LIPI: variants seen among roughly 807,000 people sequenced by gnomAD.
LIPI encodes the protein lipase I, also known as lipase member I.
Under a neutral mutation model 50.6 loss-of-function variants are expected in LIPI, and 59 were observed. The observed-to-expected ratio is 1.16, with a 90% CI of 0.94 to 1.45. The LOEUF is 1.45. LIPI is among the 40% of genes most tolerant of loss of function. LIPI has a pLI of 0.00. For missense variants in LIPI, 586 were observed against 536.3 expected, an observed-to-expected ratio of 1.09 and a Z score of -0.92; for synonymous variants, 203 against 178.2, an observed-to-expected ratio of 1.14 and a Z score of -1.11.
chr21:14,160,971 C>T (rs9974980), intron 7 of LIPI, among the ~76,000 whole-genome samples: 17,070 of 151,158 alleles, frequency 0.11, 1,380 homozygotes, highest in East Asian at 0.22. Context: ...AATAATGACA[C>T]CACCAAATTC....
At chr21:14,153,304 C>T (rs1258758903) in intron 7 of LIPI, among the ~76,000 whole-genome samples, 2 of 152,134 alleles carry the variant, frequency 1.3e-5, no homozygotes, top group Admixed American at 6.6e-5. Context: ...TTTGTGCACC[C>T]CCCTTCTAGA....
chr21:14,176,721 CT>C lies in LIPI; in HGVS notation c.643+5036del, dbSNP rs71183410. On this transcript the variant is annotated intron_variant, in intron 4 of 9. Transcript: ENST00000681601. Reference sequence around the variant, plus strand: ...CAAACATTTTTATTTGCTTTCAATTCTTTTTTTTTTTGGTTACATTTCGCTA... The same window carrying C: ...CAAACATTTTTATTTGCTTTCAATTCTTTTTTTTTTGGTTACATTTCGCTA... Among the ~76,000 whole-genome samples the C allele has an allele frequency of 1.7e-3, 231 of 133,328 alleles. 2 individuals are homozygous for C. Among genetic ancestry groups the C allele is most frequent in the East Asian group, 5.2e-3 (23 of 4,406 alleles). The allele number at this position is 133,328 out of a possible 152,430, so 87.5% of individuals were successfully genotyped here. A position where few individuals can be genotyped will look rare whatever the true frequency, so the allele number is the denominator to read the frequency against.
Position 14,165,865 on chromosome 21 carries a change from T to C in LIPI, c.734-475A>G, listed in dbSNP as rs368330723. On this transcript the variant is annotated intron_variant, in intron 5 of 9. Coordinates refer to ENST00000681601, the MANE Select transcript of LIPI (RefSeq NM_001302998.2). Reference sequence around the variant, plus strand: ...ACAGTGCCCTTTGGTCACGTGTTATTTGACCAGTTGCCGTTGTGGACCTAA... The same window carrying C: ...ACAGTGCCCTTTGGTCACGTGTTATCTGACCAGTTGCCGTTGTGGACCTAA... 5.3e-5 allele frequency among the ~76,000 whole-genome samples: 8 copies of C among 152,318 alleles called. No individual in the cohort carries two copies. The South Asian group carries it at 8.3e-4, about 16-fold the overall frequency.
intron 4 of LIPI, among the ~76,000 whole-genome samples, chr21:14,179,383 T>C (rs2019194625): frequency 6.6e-6 from 1 of 152,124 alleles, no homozygotes; most frequent in African/African-American, 2.4e-5. Flanking sequence ...TTTGTGATAG[T>C]CATGAAAAGA....
intron 1 of LIPI, among the ~76,000 whole-genome samples, chr21:14,199,447 A>G (rs1160750414): frequency 6.6e-6 from 1 of 151,992 alleles, no homozygotes; most frequent in Non-Finnish European, 1.5e-5. Context: ...CCACCAGAGA[A>G]TATTATGGAC....
intron 1 of LIPI, among the ~76,000 whole-genome samples, chr21:14,192,826 T>A (rs1476672689): frequency 1.3e-5 from 2 of 152,216 alleles, no homozygotes; most frequent in African/African-American, 4.8e-5. Flanking sequence ...GGGAATTCCT[T>A]ACCTCCAGAC....
chr21:14,119,528 G>A lies in LIPI; in HGVS notation c.1296-10448C>T, dbSNP rs1023377102. On this transcript the variant is annotated intron_variant, in intron 9 of 9. Transcript: ENST00000681601. ...TTCCTAGGGGCAGCTGGTTTCTCCCGTATATGGATCCCCAACTACTCACTC... is the reference window on the plus strand; with the variant it reads ...TTCCTAGGGGCAGCTGGTTTCTCCCATATATGGATCCCCAACTACTCACTC... Among the ~76,000 whole-genome samples, 12 of 152,268 alleles carry A rather than the reference G, an allele frequency of 7.9e-5. 1 individual carries two copies. The East Asian group carries it at 1.4e-3, about 17-fold the overall frequency.
At chr21:14,147,074 G>A (rs2017935765) in intron 8 of LIPI, among the ~76,000 whole-genome samples, 1 of 152,034 alleles carries the variant, frequency 6.6e-6, no homozygotes, top group Non-Finnish European at 1.5e-5. Flanking sequence ...ACCATGCCCA[G>A]CCCCAGCCTT....
intron 9 of LIPI, among the ~76,000 whole-genome samples, chr21:14,123,581 CTG>C (rs2016942609): frequency 1.3e-5 from 2 of 152,118 alleles, no homozygotes; most frequent in South Asian, 4.2e-4. Flanking sequence ...CAGATAAGTA[CTG>C]TAGAAAAGAT....
chr21:14,143,548 T>C (rs887619011), intron 9 of LIPI: 3 of 151,968 alleles, frequency 2.0e-5, no homozygotes, highest in African/African-American at 7.2e-5. Context: ...AGAAGATAAT[T>C]AGGAAATAAA....
At position 14,108,987 on chromosome 21, in the gene LIPI, G is replaced by A. The variant is rs2016298844; in HGVS notation, c.*6C>T. The A allele has an allele frequency of 1.2e-6, 2 of 1,610,374 alleles. No homozygotes were observed. The highest frequency in any genetic ancestry group is 8.5e-7 in the Non-Finnish European group (1 of 1,177,176). ...CAAGCAAGTGCATTTGATGGAAGAA[G>A]GCATCTTATGTGTTCTTTGGTGTAC... On this transcript the variant is annotated 3_prime_UTR_variant, in exon 10 of 10. Transcript: ENST00000681601.
chr21:14,171,687 C>T (rs1353754765), intron 4 of LIPI, among the ~76,000 whole-genome samples: 1 of 151,820 alleles, frequency 6.6e-6, no homozygotes, highest in Non-Finnish European at 1.5e-5. Flanking sequence ...AACTGGATCC[C>T]TTCCTTACAC....
chr21:14,197,906 ACTAACAGAGCACCTTTCAG>A (rs1281274167), intron 1 of LIPI, among the ~76,000 whole-genome samples: 1 of 152,150 alleles, frequency 6.6e-6, no homozygotes, highest in Non-Finnish European at 1.5e-5. Flanking sequence ...GAGCCATCAG[ACTAACAGAGCACCTTTCAG>A]CTGAAACCCT....
intron 7 of LIPI, among the ~76,000 whole-genome samples, chr21:14,153,253 G>A (rs1423754554): frequency 6.6e-6 from 1 of 152,132 alleles, no homozygotes; most frequent in East Asian, 1.9e-4. Flanking sequence ...TATATTGCCA[G>A]GCCTGTACAG....
intron 9 of LIPI, among the ~76,000 whole-genome samples, chr21:14,128,925 G>T (rs1051720720): frequency 6.6e-6 from 1 of 152,046 alleles, no homozygotes; most frequent in East Asian, 1.9e-4. Context: ...TTCTCAGAGT[G>T]AGAATGGTAG....
At chr21:14,116,771 C>T (rs1375254100) in intron 9 of LIPI, among the ~76,000 whole-genome samples, 1 of 152,056 alleles carries the variant, frequency 6.6e-6, no homozygotes, top group Non-Finnish European at 1.5e-5. Context: ...TACAGGCCTG[C>T]TTTGAAGATT....
At chr21:14,206,914 T>G in intron 1 of LIPI, 1 of 1,604,160 alleles carries the variant, frequency 6.2e-7, no homozygotes, top group Non-Finnish European at 8.5e-7. Flanking sequence ...TGTAAACATT[T>G]GAGCAACATA....
At chr21:14,128,516 G>GA (rs909789084) in intron 9 of LIPI, among the ~76,000 whole-genome samples, 1 of 151,980 alleles carries the variant, frequency 6.6e-6, no homozygotes, top group African/African-American at 2.4e-5. Flanking sequence ...TGCAAGGACT[G>GA]AAAAAATAGC....
intron 4 of LIPI, among the ~76,000 whole-genome samples, chr21:14,166,708 A>G (rs753580206): frequency 1.1e-4 from 17 of 152,148 alleles, no homozygotes; most frequent in Non-Finnish European, 1.6e-4. Context: ...CGCATAAGTG[A>G]AAAAAGAAAT....
Sources: allele counts gnomAD v4.1 joint callset (sites outside exome capture counted in the v4.1 genomes callset), GRCh38; gene constraint gnomAD v4.1.1; transcripts MANE v1.5; gene names NCBI Gene and HGNC (gene_info 2026-07-23, HGNC 2026-07-21).